The following UBE2E3 variants were observed in gnomAD, a reference collection of about 807,000 sequenced individuals.
UBE2E3 encodes ubiquitin-conjugating enzyme E2 E3.
In UBE2E3, 5 loss-of-function variants were observed where a neutral mutation model predicts 23.6. The observed-to-expected ratio is 0.21, with a 90% confidence interval of 0.11 to 0.44. The LOEUF (loss-of-function observed/expected upper bound fraction) is 0.44, where lower values mean the gene tolerates loss of function less well. Among genes scored for constraint, UBE2E3 ranks in the 20% least tolerant of loss-of-function variants. UBE2E3 has a pLI of 0.99. For synonymous variants in UBE2E3, 78 were observed against 87.5 expected, an observed-to-expected ratio of 0.89 and a Z score of 0.60; for missense variants, 81 against 249.8, an observed-to-expected ratio of 0.32 and a Z score of 4.55.
At chr2:181,005,383 A>G (rs952939678) in intron 3 of UBE2E3, among the ~76,000 whole-genome samples, 1 of 152,228 alleles carries the variant, frequency 6.6e-6, no homozygotes, top group African/African-American at 2.4e-5. Context: ...TATTATATCC[A>G]TATGGTTCAT....
At chr2:181,048,902 T>G (rs1470471364) in intron 3 of UBE2E3, among the ~76,000 whole-genome samples, 2 of 152,234 alleles carry the variant, frequency 1.3e-5, no homozygotes, top group Admixed American at 1.3e-4. Flanking sequence ...TAATTAAATT[T>G]GTTCTGCATC....
At chr2:181,055,169 A>G (rs1238424944) in intron 3 of UBE2E3, among the ~76,000 whole-genome samples, 1 of 151,804 alleles carries the variant, frequency 6.6e-6, no homozygotes, top group Non-Finnish European at 1.5e-5. Context: ...TAGCAGATGT[A>G]GATAAGATTT....
chr2:181,043,186 C>T lies in UBE2E3; in HGVS notation c.246-14507C>T, dbSNP rs774808809. Among the ~76,000 whole-genome samples, 12 of 152,238 alleles carry T rather than the reference C, an allele frequency of 7.9e-5. No individual in the cohort carries two copies. In the East Asian group the frequency reaches 1.2e-3, roughly 15 times the overall value. On this transcript the variant is annotated intron_variant, in intron 3 of 5. Transcript: ENST00000410062. ...CTTTTTGAGTTCCAACATGATGCTA[C>T]GAGTTAACCTGAACACATTTTTTCA... is the stretch of plus-strand genomic sequence containing the variant.
At chr2:181,048,080 C>A (rs1279299546) in intron 3 of UBE2E3, among the ~76,000 whole-genome samples, 1 of 152,144 alleles carries the variant, frequency 6.6e-6, no homozygotes, top group Non-Finnish European at 1.5e-5. Context: ...CCTTTCCTTT[C>A]AGCTTCTACT....
chr2:181,012,035 T>C (rs531457266), intron 3 of UBE2E3, among the ~76,000 whole-genome samples: 4 of 152,270 alleles, frequency 2.6e-5, no homozygotes, highest in East Asian at 1.9e-4. Flanking sequence ...TCCGCTTTGC[T>C]CTACTGCAAG....
intron 3 of UBE2E3, among the ~76,000 whole-genome samples, chr2:181,002,398 T>C (rs76650556): frequency 0.021 from 3,213 of 152,300 alleles, 102 homozygotes; most frequent in African/African-American, 0.069. Flanking sequence ...AGAGAATGTT[T>C]AAGCTGGCAG....
chr2:180,984,021 T>C (rs1356383493), intron 2 of UBE2E3, 22 bp from the exon 3 acceptor site: 7 of 1,602,710 alleles, frequency 4.4e-6, no homozygotes, highest in African/African-American at 1.3e-5. Flanking sequence ...ATCCTTTTTG[T>C]CTCTTCTCAT....
At chr2:180,995,182 GTAAA>G (rs1684786944) in intron 3 of UBE2E3, among the ~76,000 whole-genome samples, 1 of 152,048 alleles carries the variant, frequency 6.6e-6, no homozygotes, top group Non-Finnish European at 1.5e-5. Context: ...GTGCAATACT[GTAAA>G]TAACACCATG....
At chr2:181,010,298 A>G (rs16867373) in intron 3 of UBE2E3, among the ~76,000 whole-genome samples, 3,769 of 152,282 alleles carry the variant, frequency 0.025, 69 homozygotes, top group Non-Finnish European at 0.04. Context: ...ATATGTTACT[A>G]TGATACTATT....
At chr2:181,059,633 G>T (rs1324005680) in intron 4 of UBE2E3, among the ~76,000 whole-genome samples, 1 of 151,460 alleles carries the variant, frequency 6.6e-6, no homozygotes, top group Admixed American at 6.6e-5. Context: ...TTGAAATCTG[G>T]TATTTATTTT....
chr2:181,029,568 G>T (rs1401129), intron 3 of UBE2E3, among the ~76,000 whole-genome samples: 35,181 of 146,656 alleles, frequency 0.24, 4,449 homozygotes, highest in Non-Finnish European at 0.29. Flanking sequence ...CTAAAAACTT[G>T]TTTTTTATCT....
intron 3 of UBE2E3, among the ~76,000 whole-genome samples, chr2:181,025,980 C>T (rs538416087): frequency 5.3e-5 from 8 of 151,964 alleles, no homozygotes; most frequent in Non-Finnish European, 1.2e-4. Flanking sequence ...AATATTTTAA[C>T]GTCATTCAAA....
At position 181,018,685 on chromosome 2, in the gene UBE2E3, TCA is replaced by T. The variant is rs112768098; in HGVS notation, c.245+34596_245+34597del. On this transcript the variant is annotated intron_variant, in intron 3 of 5. Transcript: ENST00000410062. ...AATTGAAGGAGTTAGGGTTTCTTCC[TCA>T]CACTTTCCCAGTCCTCCAGGACTCT... Among the ~76,000 whole-genome samples, 15 of 151,288 alleles carry T rather than the reference TCA, an allele frequency of 9.9e-5. 1 individual carries two copies. Among genetic ancestry groups the T allele is most frequent in the African/African-American group, 3.6e-4 (15 of 41,256 alleles).
intron 3 of UBE2E3, among the ~76,000 whole-genome samples, chr2:180,997,396 T>C (rs888127712): frequency 6.6e-6 from 1 of 152,140 alleles, no homozygotes; most frequent in Non-Finnish European, 1.5e-5. Context: ...GTTTCTTTTT[T>C]GTTTTGTATG....
At chr2:180,988,301 A>T (rs4366861) in intron 3 of UBE2E3, among the ~76,000 whole-genome samples, 118,751 of 152,050 alleles carry the variant, frequency 0.78, 46,654 homozygotes, top group East Asian at 0.9. Context: ...TTCACCAGAT[A>T]ATTGAGTACA....
intron 3 of UBE2E3, chr2:180,989,774 C>A: frequency 8.3e-7 from 1 of 1,202,978 alleles, no homozygotes; most frequent in South Asian, 2.7e-5. Flanking sequence ...GTTTACTTCG[C>A]AGCTACATGC....
chr2:181,004,806 C>A (rs914293415), intron 3 of UBE2E3, among the ~76,000 whole-genome samples: 1 of 152,152 alleles, frequency 6.6e-6, no homozygotes. Flanking sequence ...TATATATATA[C>A]GTAGTAGGTG....
intron 3 of UBE2E3, among the ~76,000 whole-genome samples, chr2:181,024,670 T>C (rs1054319414): frequency 1.3e-5 from 2 of 152,052 alleles, no homozygotes; most frequent in African/African-American, 2.4e-5. Context: ...AAACATACAA[T>C]AAAGCTGAAA....
intron 3 of UBE2E3, among the ~76,000 whole-genome samples, chr2:181,056,121 T>C (rs1361844319): frequency 6.8e-6 from 1 of 146,732 alleles, no homozygotes; most frequent in Non-Finnish European, 1.5e-5. Flanking sequence ...GTTGCAAGGA[T>C]ATAGGAGTCA....
Sources: gnomAD v4.1 joint callset for allele counts (sites outside exome capture counted in the v4.1 genomes callset) on GRCh38, gnomAD v4.1.1 for gene constraint, MANE v1.5 for transcripts, NCBI Gene and HGNC (gene_info 2026-07-23, HGNC 2026-07-21) for gene names.